ENTPD2: variants seen among roughly 807,000 people sequenced by gnomAD.
ENTPD2 encodes the protein ectonucleoside triphosphate diphosphohydrolase 2.
A neutral mutation model predicts 46.8 loss-of-function variants in ENTPD2; 48 were observed. The ratio of observed to expected loss-of-function variants is 1.03; its 90% CI spans 0.81 to 1.30. The LOEUF (loss-of-function observed/expected upper bound fraction) is 1.30, where lower values mean the gene tolerates loss of function less well. Among genes scored for constraint, ENTPD2 ranks in the 50% most tolerant of loss-of-function variants. The pLI, the probability that ENTPD2 is intolerant of heterozygous loss-of-function variation, is 0.00. For synonymous variants in ENTPD2, 316 were observed against 286.1 expected, an observed-to-expected ratio of 1.10 and a Z score of -1.06; for missense variants, 707 against 651.1, an observed-to-expected ratio of 1.09 and a Z score of -0.93.
chr9:137,049,238 C>T (rs1832209549), intron 7 of ENTPD2, 163 bp from the exon 8 acceptor site: 1 of 1,202,030 alleles, frequency 8.3e-7, no homozygotes, highest in South Asian at 1.3e-5. Flanking sequence ...AAGACCGAGT[C>T]CGAGGGGCAC....
At chr9:137,050,751 C>G in intron 5 of ENTPD2, 151 bp downstream of exon 5, 1 of 1,231,216 alleles carries the variant, frequency 8.1e-7, no homozygotes. Flanking sequence ...CCAGCCCAGC[C>G]ACTGGGCCTT....
chr9:137,051,616 G>A lies in ENTPD2; in HGVS notation c.280C>T (p.Gln94Ter). Reference protein sequence around the residue: ...SYADNPSGASQSLVGCLEQAL... With the variant: ...SYADNPSGAS ...TGTTCGAGGCATCCAACAAGACTCTGGCTGGCCCCAGAAGGGTTGTCTGCA... is the reference window on the plus strand; with the variant it reads ...TGTTCGAGGCATCCAACAAGACTCTAGCTGGCCCCAGAAGGGTTGTCTGCA... The change falls in exon 3 of 9, where the codon CAG becomes TAG. Residue 94 changes from glutamine to a stop codon, truncating the protein, a stop_gained. Transcript: ENST00000355097. LOFTEE classifies it high-confidence loss of function. 6.2e-7 allele frequency: 1 copy of A among 1,612,776 alleles called. No homozygotes were observed. Among genetic ancestry groups the A allele is most frequent in the Non-Finnish European group, 8.5e-7 (1 of 1,179,928 alleles).
intron 5 of ENTPD2, 48 bp downstream of exon 5, chr9:137,050,854 C>T (rs1234602293): frequency 1.3e-6 from 2 of 1,580,238 alleles, no homozygotes; most frequent in East Asian, 4.5e-5. Flanking sequence ...CCAGGCTCTG[C>T]TCCAGGAGGG....
rs1048332609 is a variant in ENTPD2 at position 137,049,041 on chromosome 9, A to G, written c.1184T>C (p.Leu395Pro). Residue 395 changes from leucine (L) to proline (P), a missense_variant, in exon 8 of 9, where the codon CTG (leucine) becomes CCG (proline). By Grantham distance (98) the Leu-to-Pro change is moderately conservative. Transcript: ENST00000355097. ...CATGGCCCCGGCGCAGTAGTCGGCC[A>G]GGCGGGCCCGTTGCCCTGGCACCCG... ...QARVPGQRAR[L>P]ADYCAGAMFV... 5 of 1,534,706 alleles carry G rather than the reference A, an allele frequency of 3.3e-6. No individual in the cohort carries two copies. In the African/African-American group the frequency reaches 6.9e-5, roughly 21 times the overall value.
intron 4 of ENTPD2, 32 bp downstream of exon 4, chr9:137,051,179 C>G (rs78069653): frequency 6.2e-7 from 1 of 1,611,868 alleles, no homozygotes; most frequent in East Asian, 2.2e-5. Flanking sequence ...GCGCCCACGC[C>G]CCCTGGCTCT....
In ENTPD2 at chr9:137,051,079, G is replaced by A. The variant is rs1832282249; in HGVS notation, c.597C>T (p.Ala199=). Residue 199 remains alanine (A), a synonymous_variant, in exon 5 of 9, where the codon GCC becomes GCT. Coordinates refer to ENST00000355097, the MANE Select transcript of ENTPD2 (RefSeq NM_203468.3). ...WFRPRKGTLG[A]MDLGGASTQI... is the part of the protein sequence containing the mutation. ...GGGTAGAGGCACCCCCCAGGTCCAT[G>A]GCCCCCAGTGTCCCCTTCCGTGGCC... The A allele has an allele frequency of 6.2e-7, 1 of 1,612,818 alleles. No individual in the cohort carries two copies. The highest frequency in any genetic ancestry group is 1.1e-5 in the South Asian group (1 of 91,082).
At position 137,048,859 on chromosome 9, in the gene ENTPD2, G is replaced by C. The variant is rs1215177629; in HGVS notation, c.1286C>G (p.Ala429Gly). ...AFGGVIFQKK[A>G]ADTAVGWALG... ...CGCCCAGCCCACTGCAGTGTCCGCG[G>C]CCTGCGGGGAAGGGCGTGGCCTCAG... Residue 429 changes from alanine (A) to glycine (G), a missense_variant and splice_region_variant, in exon 9 of 9, where the codon GCC becomes GGC. Coordinates refer to ENST00000355097, the MANE Select transcript of ENTPD2 (RefSeq NM_203468.3). 3.9e-6 allele frequency: 6 copies of C among 1,533,802 alleles called. No individual in the cohort carries two copies. The highest frequency in any genetic ancestry group is 5.3e-6 in the Non-Finnish European group (6 of 1,142,640).
Position 137,048,771 on chromosome 9 carries a change from G to C in ENTPD2, c.1374C>G (p.Gly458=). 2.5e-6 allele frequency: 4 copies of C among 1,598,046 alleles called. No individual in the cohort carries two copies. The highest frequency in any genetic ancestry group is 3.4e-6 in the Non-Finnish European group (4 of 1,172,150). Residue 458 remains glycine (G), a synonymous_variant, in exon 9 of 9, where the codon GGC becomes GGG. Coordinates refer to ENST00000355097, the MANE Select transcript of ENTPD2 (RefSeq NM_203468.3). ...GGACGACCCAGGAGCTGAAGTCTGT[G>C]CCCTTGCGCAGCCCCGGCGGGTCGG... The part of the protein sequence containing the change: ...IPADPPGLRK[G]TDFSSWVVLL...
intron 1 of ENTPD2, 35 bp downstream of exon 1, chr9:137,053,846 C>T: frequency 2.5e-6 from 3 of 1,202,188 alleles, no homozygotes; most frequent in Non-Finnish European, 3.1e-6. Context: ...CGGCCCGCTG[C>T]TCCCCAGACG....
In ENTPD2 at chr9:137,048,719, G is replaced by A. The variant is rs1170432184; in HGVS notation, c.1426C>T (p.Leu476=). The A allele has an allele frequency of 6.2e-7, 1 of 1,606,238 alleles. No individual in the cohort carries two copies. The highest frequency in any genetic ancestry group is 1.3e-5 in the African/African-American group (1 of 74,934). Residue 476 remains leucine (L), a synonymous_variant, in exon 9 of 9, where the codon CTG becomes TTG. Transcript: ENST00000355097. ...VLLLLFASAL[L]AALVLLLRQV... ...CGCAGCAGCAGGACAAGCGCAGCCAGGAGCGCGGAGGCGAAGAGCAGCAGG... is the reference window on the plus strand; with the variant it reads ...CGCAGCAGCAGGACAAGCGCAGCCAAGAGCGCGGAGGCGAAGAGCAGCAGG...
At position 137,050,981 on chromosome 9, in the gene ENTPD2, T is replaced by A; in HGVS notation, c.695A>T (p.His232Leu). Residue 232 changes from histidine to leucine, a missense_variant, in exon 5 of 9, where the codon CAC (histidine) becomes CTC (leucine). Coordinates refer to ENST00000355097, the MANE Select transcript of ENTPD2 (RefSeq NM_203468.3). ...GAAGCTGTGGGTGTAGACTCGGTAG[T>A]GCTGGCCGTAGAGATGCAGCTGGAC... ...SEVQLHLYGQ[H>L]YRVYTHSFLC... 6.4e-7 allele frequency: 1 copy of A among 1,567,450 alleles called. No individual in the cohort carries two copies. Among genetic ancestry groups the A allele is most frequent in the Non-Finnish European group, 8.6e-7 (1 of 1,158,532 alleles).
In ENTPD2 at chr9:137,051,560, G is replaced by A. The variant is rs761745033; in HGVS notation, c.336C>T (p.His112=). The A allele has an allele frequency of 5.0e-6, 8 of 1,612,398 alleles. No individual in the cohort carries two copies. Among genetic ancestry groups the A allele is most frequent in the East Asian group, 2.2e-5 (1 of 44,894 alleles). ...QALQDVPKER[H]AGTPLYLGAT... ...CTCCCAGGTAGAGGGGTGTGCCCGC[G>A]TGTCTCTCTTTGGGCACATCCTGAA... Residue 112 remains histidine, a synonymous_variant, in exon 3 of 9, where the codon CAC becomes CAT. Transcript: ENST00000355097.
In ENTPD2 at chr9:137,048,965, G is replaced by A. The variant is rs377260878; in HGVS notation, c.1260C>T (p.Phe420=). The A allele has an allele frequency of 4.8e-4, 714 of 1,477,792 alleles. 3 individuals carry two copies. The African/African-American group carries it at 9.0e-3, about 19-fold the overall frequency. The allele number at this position is 1,477,792 out of a possible 1,614,324, so 91.5% of individuals were successfully genotyped here. A position where few individuals can be genotyped will look rare whatever the true frequency, so the allele number is the denominator to read the frequency against. Residue 420 remains phenylalanine (F), a synonymous_variant, in exon 8 of 9, where the codon TTC becomes TTT. Transcript: ENST00000355097. ...SRGYGFDERA[F]GGVIFQKKAA... is the part of the protein sequence containing the mutation. ...CCTTCTTCTGGAAGATCACGCCGCC[G>A]AAGGCGCGCTCGTCGAAGCCGTAGC...
At chr9:137,051,848 C>T (rs2131514763) in intron 2 of ENTPD2, among the ~76,000 whole-genome samples, 188 bp from the exon 3 acceptor site, 1 of 152,338 alleles carries the variant, frequency 6.6e-6, no homozygotes. Context: ...GAGACCAAGG[C>T]TGCTGCCTGC....
chr9:137,050,331 A>G lies in ENTPD2; in HGVS notation c.982T>C (p.Cys328Arg). The G allele has an allele frequency of 6.2e-7, 1 of 1,612,604 alleles. No homozygotes were observed. The highest frequency in any genetic ancestry group is 8.5e-7 in the Non-Finnish European group (1 of 1,179,690). ...FSFSSCPFSRCSFNGVFQPPV... is the reference protein window; with the variant it reads ...FSFSSCPFSRRSFNGVFQPPV... ...GGCTGGAAGACCCCATTGAAAGAGC[A>G]TCGGGAGAAGGGGCAGGAGGAGAAG... The change falls in exon 6 of 9, where the codon TGC becomes CGC. Residue 328 changes from cysteine (C) to arginine (R), a missense_variant. Physicochemically the swap from Cys to Arg is radical, Grantham distance 180. Transcript: ENST00000355097.
rs1564253467 is a variant in ENTPD2, at chr9:137,051,387, A to G, written c.387-17T>C. The G allele has an allele frequency of 6.5e-7, 1 of 1,540,196 alleles. No individual in the cohort carries two copies. The highest frequency in any genetic ancestry group is 8.8e-7 in the Non-Finnish European group (1 of 1,141,970). On this transcript the variant is annotated splice_polypyrimidine_tract_variant and intron_variant, in intron 3 of 8. Transcript: ENST00000355097. ...TTGGTCAGGCTGCAAAACACAGAGAACTCCAAGAGGCCTTCTCCCCAGGTG... is the reference window on the plus strand; with the variant it reads ...TTGGTCAGGCTGCAAAACACAGAGAGCTCCAAGAGGCCTTCTCCCCAGGTG...
chr9:137,052,052 G>A (rs977292326), intron 2 of ENTPD2, among the ~76,000 whole-genome samples, 179 bp downstream of exon 2: 2 of 151,484 alleles, frequency 1.3e-5, no homozygotes, highest in African/African-American at 2.4e-5. Flanking sequence ...TTTCTAGAAT[G>A]CAAACGACTC....
rs1832194292 is a variant in ENTPD2, at chr9:137,048,843, C to T, written c.1302G>A (p.Val434=). ...IFQKKAADTA[V]GWALGYMLNL... ...TCAGCATGTAGCCGAGCGCCCAGCC[C>T]ACTGCAGTGTCCGCGGCCTGCGGGG... Residue 434 remains valine, a synonymous_variant, in exon 9 of 9, where the codon GTG becomes GTA. Coordinates refer to ENST00000355097, the MANE Select transcript of ENTPD2 (RefSeq NM_203468.3). The T allele has an allele frequency of 6.5e-7, 1 of 1,549,140 alleles. No individual in the cohort carries two copies. The highest frequency in any genetic ancestry group is 8.7e-7 in the Non-Finnish European group (1 of 1,149,004).
At chr9:137,049,208 C>A (rs1199362478) in intron 7 of ENTPD2, 133 bp from the exon 8 acceptor site, 1 of 1,415,066 alleles carries the variant, frequency 7.1e-7, no homozygotes, top group Non-Finnish European at 9.6e-7. Flanking sequence ...GACCACCACA[C>A]AGGCCCGGAC....
Sources: allele counts gnomAD v4.1 joint callset (sites outside exome capture counted in the v4.1 genomes callset), GRCh38; gene constraint gnomAD v4.1.1; transcripts MANE v1.5; gene names NCBI Gene and HGNC (gene_info 2026-07-23, HGNC 2026-07-21).